Variants in CDH12 observed in about 807,000 individuals in gnomAD.
CDH12 encodes the protein cadherin-12.
A neutral mutation model predicts 74.1 loss-of-function variants in CDH12; 41 were observed. That is an observed-to-expected ratio of 0.55 (90% confidence interval 0.43 to 0.72). The LOEUF (loss-of-function observed/expected upper bound fraction) is 0.72, where lower values mean the gene tolerates loss of function less well. CDH12 is among the 30% of genes least tolerant of loss of function. CDH12 has a pLI of 0.00. For missense variants in CDH12, 945 were observed against 977.2 expected (o/e 0.97, Z 0.44); for synonymous variants, 399 against 355.0 (o/e 1.12, Z -1.39).
intron 6 of CDH12, among the ~76,000 whole-genome samples, chr5:21,937,465 T>C (rs954058401): frequency 9.9e-5 from 15 of 152,176 alleles, no homozygotes; most frequent in Admixed American, 9.8e-4. Flanking sequence ...TGGAGGATGC[T>C]GTAGGGTCAT....
intron 1 of CDH12, among the ~76,000 whole-genome samples, chr5:22,562,268 G>T (rs1052662156): frequency 4.5e-4 from 69 of 151,916 alleles, no homozygotes; most frequent in African/African-American, 1.6e-3. Flanking sequence ...AGTGAGCCGA[G>T]ATCCCGCCAC....
chr5:21,954,563 T>C (rs533572534), intron 6 of CDH12, among the ~76,000 whole-genome samples: 2 of 152,242 alleles, frequency 1.3e-5, no homozygotes, highest in South Asian at 2.1e-4. Flanking sequence ...ATTTTAAAAG[T>C]TGTGCATAAG....
At chr5:22,271,397 T>C (rs1736393848) in intron 3 of CDH12, among the ~76,000 whole-genome samples, 1 of 152,190 alleles carries the variant, frequency 6.6e-6, no homozygotes, top group Admixed American at 6.5e-5. Context: ...ACGTCTGCAG[T>C]TACTTTCTCC....
intron 1 of CDH12, among the ~76,000 whole-genome samples, chr5:22,826,862 G>A (rs114782117): frequency 0.012 from 1,869 of 152,236 alleles, 46 homozygotes; most frequent in African/African-American, 0.044. Context: ...GGAAAGCAGA[G>A]CATAAAAGTT....
At chr5:22,797,105 T>C (rs1581009563) in intron 1 of CDH12, among the ~76,000 whole-genome samples, 1 of 151,400 alleles carries the variant, frequency 6.6e-6, no homozygotes. Flanking sequence ...TTCTAACCCT[T>C]TAGTATTCGG....
chr5:22,204,039 A>T (rs756948064), intron 4 of CDH12, among the ~76,000 whole-genome samples: 1 of 152,252 alleles, frequency 6.6e-6, no homozygotes, highest in African/African-American at 2.4e-5. Flanking sequence ...AACTTACAGA[A>T]TGGGAGAACA....
intron 1 of CDH12, among the ~76,000 whole-genome samples, chr5:22,741,408 A>G (rs752913768): frequency 1.3e-5 from 2 of 152,222 alleles, no homozygotes; most frequent in Non-Finnish European, 2.9e-5. Flanking sequence ...TATTATTAGC[A>G]TTATATCCGT....
At chr5:21,833,323 T>C (rs1185496026) in intron 8 of CDH12, among the ~76,000 whole-genome samples, 34 of 57,166 alleles carry the variant, frequency 5.9e-4, no homozygotes, top group South Asian at 2.2e-3. Context: ...TGTTATATAA[T>C]ATATATTATA....
At chr5:21,936,757 G>A (rs1164211997) in intron 6 of CDH12, among the ~76,000 whole-genome samples, 2 of 152,110 alleles carry the variant, frequency 1.3e-5, no homozygotes, top group Non-Finnish European at 2.9e-5. Context: ...GAGGTGATTA[G>A]CTCAAAGGGG....
intron 3 of CDH12, among the ~76,000 whole-genome samples, chr5:22,337,695 A>T (rs2150451333): frequency 6.6e-6 from 1 of 152,340 alleles, no homozygotes; most frequent in African/African-American, 2.4e-5. Flanking sequence ...TCTCTTTTGC[A>T]AATTGCCCAG....
intron 11 of CDH12, among the ~76,000 whole-genome samples, chr5:21,781,818 G>C (rs543616444): frequency 6.6e-6 from 1 of 151,550 alleles, no homozygotes; most frequent in Non-Finnish European, 1.5e-5. Flanking sequence ...CCTTTCTATT[G>C]CAAGAAACTG....
At chr5:21,791,988 T>C (rs565410403) in intron 10 of CDH12, among the ~76,000 whole-genome samples, 2 of 152,046 alleles carry the variant, frequency 1.3e-5, no homozygotes, top group Admixed American at 6.6e-5. Flanking sequence ...CACCTCATTG[T>C]TTAAACAATA....
At chr5:22,779,233 C>A (rs924628212) in intron 1 of CDH12, among the ~76,000 whole-genome samples, 1 of 151,962 alleles carries the variant, frequency 6.6e-6, no homozygotes, top group Non-Finnish European at 1.5e-5. Context: ...AAACACGAAG[C>A]GAAAATGCAG....
intron 1 of CDH12, among the ~76,000 whole-genome samples, chr5:22,769,395 C>T (rs985941600): frequency 3.9e-5 from 6 of 152,082 alleles, no homozygotes; most frequent in African/African-American, 1.4e-4. Flanking sequence ...GGTTCTTTGG[C>T]CTTTGGGCTC....
intron 1 of CDH12, chr5:22,580,744 C>A (rs1382851848): frequency 1.6e-5 from 5 of 319,768 alleles, no homozygotes; most frequent in Non-Finnish European, 1.3e-5. Context: ...CTTTTTCCAC[C>A]TTTCTCCTTT....
intron 3 of CDH12, among the ~76,000 whole-genome samples, chr5:22,319,864 AAG>A (rs566464115): frequency 6.6e-6 from 1 of 151,476 alleles, no homozygotes; most frequent in Admixed American, 6.6e-5. Context: ...GGGAGAGAGG[AAG>A]AGAGAGAGAG....
At chr5:22,777,033 T>A (rs1318226216) in intron 1 of CDH12, among the ~76,000 whole-genome samples, 1 of 152,146 alleles carries the variant, frequency 6.6e-6, no homozygotes, top group Non-Finnish European at 1.5e-5. Flanking sequence ...ATTTCCACAT[T>A]TCCAAGGATT....
At chr5:22,833,446 T>A (rs1022219869) in intron 1 of CDH12, among the ~76,000 whole-genome samples, 1 of 152,174 alleles carries the variant, frequency 6.6e-6, no homozygotes, top group Non-Finnish European at 1.5e-5. Flanking sequence ...GTGAAAGTCA[T>A]ATTACAATTA....
At chr5:21,965,665 C>T (rs1446891085) in intron 6 of CDH12, among the ~76,000 whole-genome samples, 3 of 151,250 alleles carry the variant, frequency 2.0e-5, no homozygotes, top group Non-Finnish European at 4.4e-5. Flanking sequence ...CCTGTGATAC[C>T]TTCACTCTAA....
Sources: gnomAD v4.1 joint callset for allele counts (sites outside exome capture counted in the v4.1 genomes callset) on GRCh38, gnomAD v4.1.1 for gene constraint, MANE v1.5 for transcripts, NCBI Gene and HGNC (gene_info 2026-07-23, HGNC 2026-07-21) for gene names.